The following HMCN1 variants were observed in gnomAD, a reference collection of about 807,000 sequenced individuals.
The protein encoded by HMCN1 is hemicentin-1.
HMCN1 carries 321 observed loss-of-function variants against 625.9 expected under a neutral mutation model. The ratio of observed to expected loss-of-function variants is 0.51; its 90% confidence interval spans 0.47 to 0.56. The LOEUF (loss-of-function observed/expected upper bound fraction) is 0.56. Ranked by LOEUF, HMCN1 falls within the 20% of genes least tolerant of loss-of-function variation. The probability of loss-of-function intolerance (pLI) is 0.00; values close to 1 mark genes in which losing one functional copy is unlikely to be tolerated. For missense variants in HMCN1, 6,588 were observed against 6,887.3 expected (o/e 0.96, Z 1.54); for synonymous variants, 2,425 against 2,417.6 (o/e 1.00, Z -0.09).
At chr1:186,054,313 A>G (rs1657164360) in intron 44 of HMCN1, among the ~76,000 whole-genome samples, 1 of 152,010 alleles carries the variant, frequency 6.6e-6, no homozygotes, top group African/African-American at 2.4e-5. Flanking sequence ...ATATGTAAAA[A>G]CATTTTATTT....
Position 185,899,519 on chromosome 1 carries a change from T to C in HMCN1, c.622-9818T>C, listed in dbSNP as rs187231825. 4.3e-4 allele frequency among the ~76,000 whole-genome samples: 66 copies of C among 152,256 alleles called. 1 individual carries two copies. Among genetic ancestry groups the C allele is most frequent in the Admixed American group, 9.8e-4 (15 of 15,266 alleles). On this transcript the variant is annotated intron_variant, in intron 4 of 106. Coordinates refer to ENST00000271588, the MANE Select transcript of HMCN1 (RefSeq NM_031935.3). ...ACTATTTTCTCACTTGAGGTAACTC[T>C]TTATAATTTCGTATTTCTTAAGGAC... is the stretch of plus-strand genomic sequence containing the variant.
At chr1:185,748,603 A>G (rs904365362) in intron 1 of HMCN1, among the ~76,000 whole-genome samples, 11 of 152,214 alleles carry the variant, frequency 7.2e-5, no homozygotes, top group African/African-American at 2.7e-4. Flanking sequence ...TTATCTTGAC[A>G]AAGTAAAATT....
At chr1:186,113,832 C>T (rs1660999433) in intron 72 of HMCN1, 147 bp from the exon 73 acceptor site, 2 of 906,022 alleles carry the variant, frequency 2.2e-6, no homozygotes, top group Non-Finnish European at 3.6e-6. Context: ...AGGAATTAAA[C>T]CTCAATTCTA....
intron 43 of HMCN1, 79 bp downstream of exon 43, chr1:186,053,153 AT>A: frequency 7.3e-7 from 1 of 1,371,330 alleles, no homozygotes; most frequent in Non-Finnish European, 1.0e-6. Flanking sequence ...AATGTGTTAG[AT>A]TATAAACAAA....
In HMCN1 at chr1:185,734,638, C is replaced by T; in HGVS notation, c.-142C>T. 1.3e-6 allele frequency: 1 copy of T among 798,794 alleles called. No homozygotes were observed. The highest frequency in any genetic ancestry group is 2.1e-6 in the Non-Finnish European group (1 of 475,452). The allele number at this position is 798,794 out of a possible 1,614,324, so 49.5% of individuals were successfully genotyped here. On this transcript the variant is annotated 5_prime_UTR_variant, in exon 1 of 107. Transcript: ENST00000271588. ...GTTTGGTGCTTGTCCCCGTCTGATT[C>T]TCAGCGCCAAACTTTTTGCTAGTTC...
chr1:186,135,228 C>A (rs1649524576), intron 86 of HMCN1, among the ~76,000 whole-genome samples: 2 of 152,208 alleles, frequency 1.3e-5, no homozygotes, highest in African/African-American at 4.8e-5. Flanking sequence ...GACTTTACTT[C>A]AGCCATTGTC....
At chr1:185,843,485 T>C (rs966659967) in intron 1 of HMCN1, among the ~76,000 whole-genome samples, 2 of 152,166 alleles carry the variant, frequency 1.3e-5, no homozygotes, top group African/African-American at 4.8e-5. Flanking sequence ...AAGTTGTACC[T>C]GCTGAATGTC....
chr1:185,927,848 C>T (rs2102486051), intron 9 of HMCN1, among the ~76,000 whole-genome samples: 2 of 152,154 alleles, frequency 1.3e-5, no homozygotes, highest in Admixed American at 1.3e-4. Flanking sequence ...GATCATCGAG[C>T]TCTTTGAAAC....
chr1:185,924,380 G>A (rs1667166569), intron 8 of HMCN1, among the ~76,000 whole-genome samples: 1 of 151,788 alleles, frequency 6.6e-6, no homozygotes, highest in Non-Finnish European at 1.5e-5. Flanking sequence ...ACAGGCGCCT[G>A]CCACCTCGCC....
At chr1:185,736,247 A>AAT (rs928024676) in intron 1 of HMCN1, among the ~76,000 whole-genome samples, 3 of 152,044 alleles carry the variant, frequency 2.0e-5, no homozygotes, top group African/African-American at 4.8e-5. Flanking sequence ...TGGGATATGT[A>AAT]ATATATATAT....
chr1:185,805,476 GTGAC>G (rs1380980032), intron 1 of HMCN1, among the ~76,000 whole-genome samples: 11 of 152,230 alleles, frequency 7.2e-5, no homozygotes, highest in South Asian at 2.1e-4. Flanking sequence ...TGAAATGAAA[GTGAC>G]TGACTATTTC....
chr1:186,094,742 A>G (rs1203607172), intron 67 of HMCN1, among the ~76,000 whole-genome samples: 2 of 152,172 alleles, frequency 1.3e-5, no homozygotes, highest in South Asian at 2.1e-4. Context: ...GCATATATGC[A>G]TGTGTGTGTA....
intron 57 of HMCN1, among the ~76,000 whole-genome samples, chr1:186,084,105 A>G (rs933993194): frequency 6.6e-6 from 1 of 152,126 alleles, no homozygotes; most frequent in African/African-American, 2.4e-5. Flanking sequence ...TAAATACCCC[A>G]ATTGTAGCAG....
chr1:186,179,414 C>A (rs16825024), intron 104 of HMCN1, among the ~76,000 whole-genome samples: 8,256 of 152,142 alleles, frequency 0.054, 521 homozygotes, highest in African/African-American at 0.15. Flanking sequence ...TATAATTTCC[C>A]ACTTAAGAAT....
intron 11 of HMCN1, among the ~76,000 whole-genome samples, chr1:185,952,105 AT>A (rs1400723042): frequency 6.6e-6 from 1 of 151,854 alleles, no homozygotes; most frequent in Non-Finnish European, 1.5e-5. Flanking sequence ...CTGGATTTTT[AT>A]ATTTGATGAA....
chr1:186,133,778 G>GA (rs984545871), intron 86 of HMCN1, among the ~76,000 whole-genome samples: 2 of 151,174 alleles, frequency 1.3e-5, no homozygotes. Context: ...ATGTCATTAG[G>GA]AAAAAATAGG....
chr1:185,782,674 C>T (rs1483039067), intron 1 of HMCN1, among the ~76,000 whole-genome samples: 1 of 152,176 alleles, frequency 6.6e-6, no homozygotes, highest in Non-Finnish European at 1.5e-5. Context: ...GAATATTGGC[C>T]CCACTCTCTT....
intron 29 of HMCN1, among the ~76,000 whole-genome samples, chr1:186,006,136 C>CAAA (rs34375658): frequency 3.1e-5 from 2 of 64,372 alleles, no homozygotes; most frequent in Non-Finnish European, 6.4e-5. Flanking sequence ...GACTTCATTT[C>CAAA]AAAAAAAAAA....
intron 24 of HMCN1, among the ~76,000 whole-genome samples, chr1:185,995,707 A>G (rs1405363127): frequency 2.6e-5 from 4 of 152,078 alleles, no homozygotes; most frequent in African/African-American, 9.7e-5. Context: ...TTAAAATAAG[A>G]CAATGGTCCT....
Sources: gnomAD v4.1 joint callset for allele counts (sites outside exome capture counted in the v4.1 genomes callset) on GRCh38, gnomAD v4.1.1 for gene constraint, MANE v1.5 for transcripts, NCBI Gene and HGNC (gene_info 2026-07-23, HGNC 2026-07-21) for gene names.